The following ROBO1 variants were observed in gnomAD, a reference collection of about 807,000 sequenced individuals.
The protein encoded by ROBO1 is roundabout homolog 1.
Under a neutral mutation model 195.9 loss-of-function variants are expected in ROBO1, and 149 were observed. The ratio of observed to expected loss-of-function variants is 0.76; its 90% CI spans 0.67 to 0.87. The LOEUF (loss-of-function observed/expected upper bound fraction) is 0.87. ROBO1 is among the 40% of genes least tolerant of loss of function. ROBO1 has a pLI of 0.00. For missense variants in ROBO1, 1,933 were observed against 2,068.3 expected, an observed-to-expected ratio of 0.93 and a Z score of 1.27; for synonymous variants, 816 against 733.2, an observed-to-expected ratio of 1.11 and a Z score of -1.82.
In ROBO1 at chr3:79,400,396, G is replaced by A. The variant is rs149332228; in HGVS notation, c.88+189428C>T. ...TTGGCAGATACATGACAAATTTAGC[G>A]TATGGATTCCCAAAATTACCCTCCC... On this transcript the variant is annotated intron_variant, in intron 2 of 30. Coordinates refer to ENST00000464233, the MANE Select transcript of ROBO1 (RefSeq NM_002941.4). 1.6e-3 allele frequency among the ~76,000 whole-genome samples: 248 copies of A among 152,074 alleles called. 3 individuals are homozygous for A. Among genetic ancestry groups the A allele is most frequent in the African/African-American group, 4.4e-3 (184 of 41,490 alleles).
chr3:79,023,979 G>T (rs1246170495), intron 3 of ROBO1, among the ~76,000 whole-genome samples: 2 of 151,636 alleles, frequency 1.3e-5, no homozygotes, highest in African/African-American at 4.8e-5. Context: ...CAAAGTGCTG[G>T]GATTACAGGC....
chr3:78,746,261 C>T lies in ROBO1; in HGVS notation c.657+482G>A, dbSNP rs190889285. On this transcript the variant is annotated intron_variant, in intron 5 of 30. Coordinates refer to ENST00000464233, the MANE Select transcript of ROBO1 (RefSeq NM_002941.4). ...TATATTGAGATAAATTCATCATTAA[C>T]CACCTTTCAAAATAAGATTTTATTT... 1.4e-4 allele frequency among the ~76,000 whole-genome samples: 22 copies of T among 152,218 alleles called. No individual in the cohort carries two copies. The East Asian group carries it at 3.3e-3, about 23-fold the overall frequency.
At chr3:79,414,208 T>C (rs2106882100) in intron 2 of ROBO1, among the ~76,000 whole-genome samples, 1 of 151,588 alleles carries the variant, frequency 6.6e-6, no homozygotes, top group South Asian at 2.1e-4. Flanking sequence ...TTTCTCTCTC[T>C]CTCTCTCTCC....
intron 4 of ROBO1, among the ~76,000 whole-genome samples, chr3:78,915,384 T>C (rs1383222778): frequency 6.6e-6 from 1 of 152,188 alleles, no homozygotes; most frequent in Non-Finnish European, 1.5e-5. Context: ...AAGATATTTA[T>C]ATTCAATTTC....
intron 8 of ROBO1, among the ~76,000 whole-genome samples, chr3:78,711,323 C>T (rs1025058302): frequency 1.5e-5 from 2 of 137,208 alleles, no homozygotes; most frequent in Non-Finnish European, 3.1e-5. Flanking sequence ...TTCTCTCTCT[C>T]TCTCCTTCCT....
At chr3:78,823,012 T>G (rs1188659168) in intron 4 of ROBO1, among the ~76,000 whole-genome samples, 1 of 152,194 alleles carries the variant, frequency 6.6e-6, no homozygotes, top group African/African-American at 2.4e-5. Flanking sequence ...TCACCACAAA[T>G]TCCAGAGTTC....
At chr3:79,249,718 A>C (rs2082685302) in intron 2 of ROBO1, among the ~76,000 whole-genome samples, 1 of 152,214 alleles carries the variant, frequency 6.6e-6, no homozygotes. Context: ...AAGAAATATA[A>C]GTGTGAGTCC....
intron 2 of ROBO1, among the ~76,000 whole-genome samples, chr3:79,350,406 A>G (rs1030138743): frequency 6.6e-6 from 1 of 152,210 alleles, no homozygotes; most frequent in Non-Finnish European, 1.5e-5. Context: ...GAAGCTTAAC[A>G]TAGTGTTATC....
At chr3:79,305,635 A>G (rs2033184615) in intron 2 of ROBO1, among the ~76,000 whole-genome samples, 1 of 152,146 alleles carries the variant, frequency 6.6e-6, no homozygotes, top group Non-Finnish European at 1.5e-5. Flanking sequence ...CTTCCAATGC[A>G]TTTCCTTCTT....
intron 1 of ROBO1, among the ~76,000 whole-genome samples, chr3:79,615,212 C>G (rs567168538): frequency 1.3e-5 from 2 of 152,116 alleles, no homozygotes; most frequent in Non-Finnish European, 2.9e-5. Context: ...GCATAATAAA[C>G]CTTTGCTCTC....
chr3:79,402,840 A>G (rs2037414470), intron 2 of ROBO1, among the ~76,000 whole-genome samples: 1 of 151,970 alleles, frequency 6.6e-6, no homozygotes, highest in Non-Finnish European at 1.5e-5. Flanking sequence ...ACTTTTCACT[A>G]GAAATAATTT....
intron 3 of ROBO1, among the ~76,000 whole-genome samples, chr3:79,110,656 C>T (rs912930886): frequency 1.7e-4 from 24 of 142,384 alleles, no homozygotes; most frequent in African/African-American, 6.4e-4. Flanking sequence ...CAGGGTCTTG[C>T]TCTGTGCCCA....
chr3:79,651,557 AC>A (rs1946008859), intron 1 of ROBO1, among the ~76,000 whole-genome samples: 1 of 152,136 alleles, frequency 6.6e-6, no homozygotes, highest in Non-Finnish European at 1.5e-5. Context: ...ACTAAAGTCA[AC>A]TGATTTATTT....
intron 10 of ROBO1, 57 bp downstream of exon 10, chr3:78,685,689 C>G: frequency 7.8e-7 from 1 of 1,279,520 alleles, no homozygotes; most frequent in Non-Finnish European, 1.1e-6. Flanking sequence ...TACTGGCACC[C>G]TCTCTGGATC....
At chr3:79,258,676 A>G (rs566088973) in intron 2 of ROBO1, among the ~76,000 whole-genome samples, 2 of 152,276 alleles carry the variant, frequency 1.3e-5, no homozygotes, top group South Asian at 4.1e-4. Context: ...TTGGGATTCA[A>G]TTACTCAACT....
chr3:79,207,336 A>T (rs2081888461), intron 2 of ROBO1, among the ~76,000 whole-genome samples: 2 of 152,146 alleles, frequency 1.3e-5, no homozygotes, highest in Non-Finnish European at 2.9e-5. Context: ...TTTTTGAAGG[A>T]GGTCAATCAT....
At chr3:78,749,960 C>T (rs1008458399) in intron 4 of ROBO1, among the ~76,000 whole-genome samples, 3 of 151,946 alleles carry the variant, frequency 2.0e-5, no homozygotes, top group Non-Finnish European at 4.4e-5. Context: ...GTAGATATCA[C>T]CTAAAAAGGT....
intron 3 of ROBO1, among the ~76,000 whole-genome samples, chr3:78,989,008 G>C (rs1395990242): frequency 1.3e-5 from 2 of 152,124 alleles, no homozygotes; most frequent in Non-Finnish European, 2.9e-5. Context: ...AAGGTGTAGG[G>C]AGAATAGAGG....
chr3:79,603,148 G>A (rs1436059797), intron 1 of ROBO1, among the ~76,000 whole-genome samples: 2 of 151,880 alleles, frequency 1.3e-5, no homozygotes, highest in African/African-American at 4.8e-5. Context: ...TTGACATCTG[G>A]TGAAATTGAG....
Sources: gnomAD v4.1 joint callset for allele counts (sites outside exome capture counted in the v4.1 genomes callset) on GRCh38, gnomAD v4.1.1 for gene constraint, MANE v1.5 for transcripts, NCBI Gene and HGNC (gene_info 2026-07-23, HGNC 2026-07-21) for gene names.